The following PRR5 variants were observed in gnomAD, a reference collection of about 807,000 sequenced individuals.
PRR5 encodes proline-rich protein 5.
In PRR5, 25 loss-of-function variants were observed where a neutral mutation model predicts 30.6. The ratio of observed to expected loss-of-function variants is 0.82; its 90% confidence interval spans 0.60 to 1.14. The LOEUF (loss-of-function observed/expected upper bound fraction) is 1.14. PRR5 is among the 50% of genes most tolerant of loss of function. PRR5 has a pLI of 0.00. For synonymous variants in PRR5, 286 were observed against 247.1 expected (o/e 1.16, Z -1.48); for missense variants, 600 against 547.1 (o/e 1.10, Z -0.96).
chr22:44,672,930 C>A (rs553700711), upstream of PRR5, among the ~76,000 whole-genome samples: 1 of 152,236 alleles, frequency 6.6e-6, no homozygotes, highest in South Asian at 2.1e-4. Context: ...CACCCCACTA[C>A]ACAGCATGCG....
chr22:44,694,895 G>A (rs973531698), intron 1 of PRR5, among the ~76,000 whole-genome samples: 2 of 152,156 alleles, frequency 1.3e-5, no homozygotes, highest in African/African-American at 2.4e-5. Flanking sequence ...CAGTGGCCAG[G>A]TGCCGTGACT....
chr22:44,729,188 C>A, intron 4 of PRR5: 1 of 616,414 alleles, frequency 1.6e-6, no homozygotes, highest in Non-Finnish European at 2.0e-6. Context: ...CATGCCTGTG[C>A]CTCGGCCGTC....
At chr22:44,712,377 C>T (rs5764968) in intron 1 of PRR5, among the ~76,000 whole-genome samples, 53,794 of 152,136 alleles carry the variant, frequency 0.35, 10,028 homozygotes, top group South Asian at 0.48. Context: ...GCACAGCCCC[C>T]ATGCTGCTCA....
At chr22:44,721,024 G>A (rs1057055283) in intron 2 of PRR5, among the ~76,000 whole-genome samples, 15 of 152,110 alleles carry the variant, frequency 9.9e-5, no homozygotes, top group African/African-American at 3.4e-4. Flanking sequence ...ATTCACACCC[G>A]CACTCATCAT....
chr22:44,712,026 T>C (rs1928322307), intron 1 of PRR5, among the ~76,000 whole-genome samples: 1 of 151,970 alleles, frequency 6.6e-6, no homozygotes, highest in Admixed American at 6.5e-5. Context: ...GTGACATAGT[T>C]GTGGGGCTGG....
chr22:44,707,639 G>A (rs1318437403), intron 1 of PRR5, among the ~76,000 whole-genome samples: 2 of 152,212 alleles, frequency 1.3e-5, no homozygotes, highest in Non-Finnish European at 1.5e-5. Flanking sequence ...ATGAGGGCAC[G>A]TGGGGGTACC....
At chr22:44,733,350 A>G (rs1922589850) in intron 6 of PRR5, among the ~76,000 whole-genome samples, 4 of 152,230 alleles carry the variant, frequency 2.6e-5, no homozygotes, top group African/African-American at 9.6e-5. Flanking sequence ...CCTGCTTGCT[A>G]TGAGCTAATA....
chr22:44,679,723 CAAT>C, intron 1 of PRR5: 1 of 1,243,510 alleles, frequency 8.0e-7, no homozygotes, highest in Non-Finnish European at 1.1e-6. Flanking sequence ...ATAATAATAA[CAAT>C]AATAGTAAGA....
intron 4 of PRR5, chr22:44,730,491 G>A: frequency 1.0e-6 from 1 of 988,988 alleles, no homozygotes; most frequent in Non-Finnish European, 1.2e-6. Context: ...GAGCCAGCTT[G>A]GGCAGCTGTC....
At position 44,681,278 on chromosome 22, in the gene PRR5, C is replaced by T. The variant is rs79223712; in HGVS notation, c.-11+4038C>T. Reference sequence around the variant, plus strand: ...CCTGGGAACTCTGGGAAGTGCTTTGCAAAATGTTAGTTAAAAAAAAAGTTT... The same window carrying T: ...CCTGGGAACTCTGGGAAGTGCTTTGTAAAATGTTAGTTAAAAAAAAAGTTT... On this transcript the variant is annotated intron_variant, in intron 1 of 8. Coordinates refer to the PRR5 transcript ENST00000006251. Among the ~76,000 whole-genome samples the T allele has an allele frequency of 9.0e-3, 1,369 of 152,094 alleles. 21 individuals carry two copies. Among genetic ancestry groups the T allele is most frequent in the African/African-American group, 0.031 (1,290 of 41,502 alleles).
At chr22:44,673,979 A>G (rs1335486012), upstream of PRR5, among the ~76,000 whole-genome samples, 1 of 152,078 alleles carries the variant, frequency 6.6e-6, no homozygotes, top group Non-Finnish European at 1.5e-5. Context: ...TATAAAACCA[A>G]CATCGCCATA....
intron 1 of PRR5, among the ~76,000 whole-genome samples, chr22:44,704,910 C>T (rs1926939335): frequency 6.6e-6 from 1 of 152,208 alleles, no homozygotes. Flanking sequence ...GAGCAGGGCA[C>T]CCCTTCTGGT....
chr22:44,725,365 C>A, intron 3 of PRR5, 73 bp downstream of exon 3: 1 of 1,594,596 alleles, frequency 6.3e-7, no homozygotes, highest in Non-Finnish European at 8.5e-7. Context: ...GCTCACCTGC[C>A]CCCGGGGGTG....
At chr22:44,679,364 C>T (rs371882365) in intron 1 of PRR5, 49 of 153,370 alleles carry the variant, frequency 3.2e-4, no homozygotes, top group Admixed American at 1.6e-3. Flanking sequence ...TCAGTGACTT[C>T]GAGCGTGCAT....
intron 1 of PRR5, among the ~76,000 whole-genome samples, chr22:44,682,797 C>T (rs560800041): frequency 1.3e-5 from 2 of 152,270 alleles, no homozygotes; most frequent in African/African-American, 2.4e-5. Flanking sequence ...AGGAAATTGC[C>T]GCTCTCATTC....
Position 44,690,163 on chromosome 22 carries a change from A to C in PRR5, c.-10-12329A>C, listed in dbSNP as rs556073847. Among the ~76,000 whole-genome samples the C allele has an allele frequency of 3.3e-5, 5 of 152,262 alleles. No individual in the cohort carries two copies. The East Asian group carries it at 9.7e-4, about 29-fold the overall frequency. ...AGGGATGCGGGGGCAGGTGACCAGA[A>C]GGCCAGGAGGGAGAGAGAAGACCCT... On this transcript the variant is annotated intron_variant, in intron 1 of 8. Transcript: ENST00000006251.
intron 3 of PRR5, 32 bp downstream of exon 3, chr22:44,725,324 C>T: frequency 6.2e-7 from 1 of 1,611,066 alleles, no homozygotes; most frequent in Non-Finnish European, 8.5e-7. Context: ...CAGGCTGGGC[C>T]TGCCTCATGA....
intron 2 of PRR5, among the ~76,000 whole-genome samples, chr22:44,721,385 A>T (rs1488466787): frequency 6.6e-6 from 1 of 152,162 alleles, no homozygotes; most frequent in African/African-American, 2.4e-5. Flanking sequence ...GAAAGCGACC[A>T]ATCAGAACCT....
intron 2 of PRR5, among the ~76,000 whole-genome samples, chr22:44,717,937 A>G (rs1186512128): frequency 1.3e-5 from 2 of 149,624 alleles, no homozygotes; most frequent in African/African-American, 4.9e-5. Context: ...CTGGTCTTGA[A>G]CTCCCGACCT....
Sources: gnomAD v4.1 joint callset for allele counts (sites outside exome capture counted in the v4.1 genomes callset) on GRCh38, gnomAD v4.1.1 for gene constraint, MANE v1.5 for transcripts, NCBI Gene and HGNC (gene_info 2026-07-23, HGNC 2026-07-21) for gene names.